The following ELOVL6 variants were observed in gnomAD, a reference collection of about 807,000 sequenced individuals.
The protein encoded by ELOVL6 is ELOVL fatty acid elongase 6, also known as very long chain fatty acid elongase 6.
Under a neutral mutation model 31.7 loss-of-function variants are expected in ELOVL6, and 8 were observed. The observed-to-expected ratio is 0.25, with a 90% CI of 0.15 to 0.45. ELOVL6 has a LOEUF of 0.45. Among genes scored for constraint, ELOVL6 ranks in the 20% least tolerant of loss-of-function variants. The pLI is 1.00. For synonymous variants in ELOVL6, 101 were observed against 117.7 expected, an observed-to-expected ratio of 0.86 and a Z score of 0.92; for missense variants, 126 against 326.4, an observed-to-expected ratio of 0.39 and a Z score of 4.73.
chr4:110,076,554 T>C (rs1283508221), intron 2 of ELOVL6, among the ~76,000 whole-genome samples: 1 of 152,178 alleles, frequency 6.6e-6, no homozygotes, highest in African/African-American at 2.4e-5. Context: ...AATAAAAATA[T>C]ATACCCTCTA....
At chr4:110,149,661 A>G (rs1758227773) in intron 1 of ELOVL6, among the ~76,000 whole-genome samples, 1 of 152,180 alleles carries the variant, frequency 6.6e-6, no homozygotes, top group Non-Finnish European at 1.5e-5. Context: ...GTGGGTACGA[A>G]GTGTGTTGCT....
In ELOVL6 at chr4:110,166,418, C is replaced by A. The variant is rs560599129; in HGVS notation, c.89+31829G>T. The stretch of plus-strand genomic sequence containing the variant: ...ACGAGGTCAAGAGATCGAGACCATC[C>A]CGGCCAACAACCGTGAAACCCCATC... On this transcript the variant is annotated intron_variant, in intron 1 of 3. Transcript: ENST00000302274. Among the ~76,000 whole-genome samples the A allele has an allele frequency of 2.4e-4, 36 of 152,128 alleles. No homozygotes were observed. In the East Asian group the frequency reaches 6.2e-3, roughly 26 times the overall value.
chr4:110,181,051 T>C (rs1759255898), intron 1 of ELOVL6, among the ~76,000 whole-genome samples: 1 of 152,042 alleles, frequency 6.6e-6, no homozygotes, highest in Non-Finnish European at 1.5e-5. Context: ...GGCGGAAGGA[T>C]TGCTTGAGCT....
intron 2 of ELOVL6, among the ~76,000 whole-genome samples, chr4:110,061,079 C>T (rs1755123466): frequency 6.6e-6 from 1 of 152,202 alleles, no homozygotes; most frequent in Non-Finnish European, 1.5e-5. Flanking sequence ...AATGGTGTTA[C>T]TCTTTCCACT....
intron 1 of ELOVL6, among the ~76,000 whole-genome samples, chr4:110,120,536 T>C (rs893707557): frequency 2.6e-5 from 4 of 152,162 alleles, no homozygotes; most frequent in African/African-American, 9.6e-5. Flanking sequence ...TGCACCATTA[T>C]ACACAAACAG....
chr4:110,083,968 A>T (rs1233260892), intron 2 of ELOVL6, among the ~76,000 whole-genome samples: 13 of 96,372 alleles, frequency 1.3e-4, no homozygotes, highest in Non-Finnish European at 2.4e-4. Context: ...GATATATATG[A>T]TATAACATAT....
chr4:110,186,817 A>AT (rs1759457409), intron 1 of ELOVL6, among the ~76,000 whole-genome samples: 6 of 109,464 alleles, frequency 5.5e-5, no homozygotes, highest in South Asian at 2.9e-4. Context: ...AAAAAAAAAA[A>AT]AAAAAATATA....
At chr4:110,142,024 C>A (rs1757978597) in intron 1 of ELOVL6, among the ~76,000 whole-genome samples, 1 of 149,872 alleles carries the variant, frequency 6.7e-6, no homozygotes, top group South Asian at 2.1e-4. Context: ...GGGATCTTTG[C>A]AGTCCAAGGA....
At chr4:110,193,936 A>C (rs990503240) in intron 1 of ELOVL6, among the ~76,000 whole-genome samples, 3 of 152,218 alleles carry the variant, frequency 2.0e-5, no homozygotes, top group East Asian at 3.9e-4. Flanking sequence ...TACAGCAGTC[A>C]GCACAGGCCT....
At chr4:110,073,352 C>A (rs2126227960) in intron 2 of ELOVL6, among the ~76,000 whole-genome samples, 1 of 152,074 alleles carries the variant, frequency 6.6e-6, no homozygotes, top group African/African-American at 2.4e-5. Flanking sequence ...CATAAAATAT[C>A]ATTAAGTGTG....
intron 1 of ELOVL6, among the ~76,000 whole-genome samples, chr4:110,172,640 G>C (rs1340852129): frequency 6.6e-6 from 1 of 152,188 alleles, no homozygotes; most frequent in Admixed American, 6.5e-5. Context: ...TGGTTGCTTA[G>C]TTAAGTGAAT....
chr4:110,173,481 T>C (rs765278922), intron 1 of ELOVL6, among the ~76,000 whole-genome samples: 1 of 151,580 alleles, frequency 6.6e-6, no homozygotes, highest in Non-Finnish European at 1.5e-5. Context: ...CCTGATATTC[T>C]AGTTCTGCAA....
intron 2 of ELOVL6, among the ~76,000 whole-genome samples, chr4:110,063,188 A>G (rs1326468339): frequency 6.6e-6 from 1 of 152,192 alleles, no homozygotes; most frequent in Non-Finnish European, 1.5e-5. Context: ...AATTTGCCAC[A>G]TTGATTGTTC....
chr4:110,142,558 A>G (rs1021781039), intron 1 of ELOVL6, among the ~76,000 whole-genome samples: 4 of 152,188 alleles, frequency 2.6e-5, no homozygotes, highest in African/African-American at 9.7e-5. Context: ...TTTTGAAAAA[A>G]CAGTTAAATG....
intron 1 of ELOVL6, among the ~76,000 whole-genome samples, chr4:110,129,150 G>A (rs531143200): frequency 6.6e-6 from 1 of 151,990 alleles, no homozygotes; most frequent in East Asian, 1.9e-4. Context: ...AAAACATTTG[G>A]GGAGCTTTCC....
intron 2 of ELOVL6, among the ~76,000 whole-genome samples, chr4:110,063,572 A>G (rs887934872): frequency 1.1e-4 from 16 of 152,190 alleles, no homozygotes; most frequent in Non-Finnish European, 8.8e-5. Flanking sequence ...AAGGGCTTGA[A>G]GGAGAGGCTG....
At chr4:110,163,517 T>A (rs1758684398) in intron 1 of ELOVL6, among the ~76,000 whole-genome samples, 2 of 152,174 alleles carry the variant, frequency 1.3e-5, no homozygotes. Flanking sequence ...TTCATCAAAC[T>A]GAGTCACTGA....
At chr4:110,160,051 T>A (rs985892044) in intron 1 of ELOVL6, among the ~76,000 whole-genome samples, 2 of 151,932 alleles carry the variant, frequency 1.3e-5, no homozygotes, top group Non-Finnish European at 2.9e-5. Flanking sequence ...CACTTAAACA[T>A]CAAAGTTTTC....
intron 1 of ELOVL6, among the ~76,000 whole-genome samples, chr4:110,160,353 C>T (rs1313833785): frequency 6.6e-6 from 1 of 152,174 alleles, no homozygotes; most frequent in Non-Finnish European, 1.5e-5. Context: ...AAAATTATAT[C>T]TTCCTTCCAC....
Sources: allele counts gnomAD v4.1 joint callset (sites outside exome capture counted in the v4.1 genomes callset), GRCh38; gene constraint gnomAD v4.1.1; transcripts MANE v1.5; gene names NCBI Gene and HGNC (gene_info 2026-07-23, HGNC 2026-07-21).